MYO1B: variants seen among roughly 807,000 people sequenced by gnomAD.
MYO1B encodes the protein myosin IB.
Under a neutral mutation model 159.7 loss-of-function variants are expected in MYO1B, and 72 were observed. The observed-to-expected ratio is 0.45, with a 90% CI of 0.37 to 0.55. The LOEUF is 0.55. Ranked by LOEUF, MYO1B falls within the 20% of genes least tolerant of loss-of-function variation. The probability of loss-of-function intolerance (pLI) is 0.00; values close to 1 mark genes in which losing one functional copy is unlikely to be tolerated. For missense variants in MYO1B, 1,062 were observed against 1,364.8 expected (o/e 0.78, Z 3.50); for synonymous variants, 468 against 473.8 (o/e 0.99, Z 0.16).
At chr2:191,399,950 G>T (rs1407101350) in intron 21 of MYO1B, among the ~76,000 whole-genome samples, 1 of 152,186 alleles carries the variant, frequency 6.6e-6, no homozygotes, top group Non-Finnish European at 1.5e-5. Context: ...GGATCAATGA[G>T]ATCATTTTGG....
At position 191,416,143 on chromosome 2, in the gene MYO1B, T is replaced by G; in HGVS notation, c.3188T>G (p.Phe1063Cys). Residue 1063 changes from phenylalanine to cysteine, a missense_variant, in exon 30 of 31, where the codon TTT (phenylalanine) becomes TGT (cysteine). Around this residue, in one of 5 missense-constraint regions of MYO1B, gnomAD observed 609 missense variants for 744.4 expected, o/e 0.82. Coordinates refer to ENST00000392318, the MANE Select transcript of MYO1B (RefSeq NM_001130158.3). ...TCAGAAGCAGCTAGTAAAGGAGACT[T>G]TCTCTTCAGCAGTGATCACCTGATT... is the stretch of plus-strand genomic sequence containing the variant. ...EGSEAASKGD[F>C]LFSSDHLIEM... 1.2e-6 allele frequency: 2 copies of G among 1,614,102 alleles called. No individual in the cohort carries two copies. Among genetic ancestry groups the G allele is most frequent in the Non-Finnish European group, 1.7e-6 (2 of 1,179,994 alleles).
chr2:191,360,833 C>T (rs1693623722), intron 8 of MYO1B, 104 bp downstream of exon 8: 1 of 768,828 alleles, frequency 1.3e-6, no homozygotes, highest in East Asian at 2.6e-5. Flanking sequence ...TCTCTAATTC[C>T]TGAGCTCAAG....
At chr2:191,332,160 A>G (rs1430347370) in intron 4 of MYO1B, among the ~76,000 whole-genome samples, 1 of 152,012 alleles carries the variant, frequency 6.6e-6, no homozygotes. Context: ...ATGGGGTTTC[A>G]CCATGTTGGC....
chr2:191,344,453 G>A (rs1375226340), intron 5 of MYO1B, among the ~76,000 whole-genome samples: 1 of 152,140 alleles, frequency 6.6e-6, no homozygotes, highest in African/African-American at 2.4e-5. Context: ...CTCAGCCCAA[G>A]CAGCATCTCT....
At chr2:191,354,659 C>G (rs1337502200) in intron 7 of MYO1B, among the ~76,000 whole-genome samples, 1 of 152,122 alleles carries the variant, frequency 6.6e-6, no homozygotes, top group Non-Finnish European at 1.5e-5. Flanking sequence ...CAGAGTACAA[C>G]AAGTTTGGGT....
At chr2:191,385,605 G>C (rs1419185415) in intron 15 of MYO1B, among the ~76,000 whole-genome samples, 3 of 152,128 alleles carry the variant, frequency 2.0e-5, no homozygotes, top group Non-Finnish European at 4.4e-5. Context: ...TCAGGCTAAG[G>C]TGTCTGAGGC....
At chr2:191,328,165 T>G (rs1384285080) in intron 3 of MYO1B, among the ~76,000 whole-genome samples, 16 of 152,212 alleles carry the variant, frequency 1.1e-4, no homozygotes, top group Admixed American at 1.0e-3. Context: ...AGGTCTGTGT[T>G]GAAGATTAAG....
intron 20 of MYO1B, among the ~76,000 whole-genome samples, chr2:191,395,955 A>C (rs1210718260): frequency 2.0e-5 from 3 of 152,336 alleles, no homozygotes; most frequent in African/African-American, 7.2e-5. Context: ...AGTTTACTTA[A>C]ATTTTTAGCT....
chr2:191,370,146 AAT>A (rs1421032699), intron 12 of MYO1B, 79 bp from the exon 13 acceptor site: 18 of 872,784 alleles, frequency 2.1e-5, no homozygotes, highest in Non-Finnish European at 2.9e-5. Flanking sequence ...ATTAATTTGT[AAT>A]ATATATCTAT....
At chr2:191,402,102 G>C (rs1377651604) in intron 23 of MYO1B, 1 of 152,306 alleles carries the variant, frequency 6.6e-6, no homozygotes, top group Non-Finnish European at 1.5e-5. Context: ...AGTTTTGTTA[G>C]TTTTGGTTTT....
chr2:191,409,139 T>A lies in MYO1B; in HGVS notation c.2727T>A (p.Ser909=). 6.2e-7 allele frequency: 1 copy of A among 1,612,988 alleles called. No homozygotes were observed. The highest frequency in any genetic ancestry group is 1.7e-5 in the Admixed American group (1 of 59,810). Residue 909 remains serine, a synonymous_variant, in exon 26 of 31, where the codon TCT becomes TCA. Coordinates refer to ENST00000392318, the MANE Select transcript of MYO1B (RefSeq NM_001130158.3). ...CAAGACCTTACTTATTCTTGGATTCTACTCACAAGGAGCTAAAAAGGATTT... is the reference window on the plus strand; with the variant it reads ...CAAGACCTTACTTATTCTTGGATTCAACTCACAAGGAGCTAAAAAGGATTT... ...WPSRPYLFLD[S]THKELKRIFH...
Position 191,314,784 on chromosome 2 carries a change from A to G in MYO1B, c.252-15151A>G, listed in dbSNP as rs1269727957. On this transcript the variant is annotated intron_variant, in intron 3 of 30. Transcript: ENST00000392318. Reference sequence around the variant, plus strand: ...TGAAAATTTTAGAAAAGATTACAGAAGAATATTTTTGTTAAGAAAGGAGAA... The same window carrying G: ...TGAAAATTTTAGAAAAGATTACAGAGGAATATTTTTGTTAAGAAAGGAGAA... 2.0e-5 allele frequency among the ~76,000 whole-genome samples: 3 copies of G among 152,222 alleles called. No individual in the cohort carries two copies. The East Asian group carries it at 5.8e-4, about 29-fold the overall frequency.
At chr2:191,392,410 C>A (rs540255831) in intron 19 of MYO1B, among the ~76,000 whole-genome samples, 12 of 152,246 alleles carry the variant, frequency 7.9e-5, no homozygotes, top group African/African-American at 2.2e-4. Context: ...CCATCAAAGT[C>A]TTTGCTCTGA....
intron 15 of MYO1B, among the ~76,000 whole-genome samples, chr2:191,385,073 G>A (rs566542403): frequency 6.6e-6 from 1 of 152,322 alleles, no homozygotes; most frequent in South Asian, 2.1e-4. Context: ...ATGGTCAGTG[G>A]AGTGGATTGT....
At chr2:191,265,187 GTTTT>G (rs34417586) in intron 1 of MYO1B, among the ~76,000 whole-genome samples, 2 of 136,192 alleles carry the variant, frequency 1.5e-5, no homozygotes, top group East Asian at 2.2e-4. Flanking sequence ...GAAGGCCCCT[GTTTT>G]TTTTTTTTTT....
At chr2:191,308,063 TC>T (rs1185566166) in intron 3 of MYO1B, among the ~76,000 whole-genome samples, 5 of 151,452 alleles carry the variant, frequency 3.3e-5, no homozygotes, top group Non-Finnish European at 7.4e-5. Context: ...GTTGAAAGAT[TC>T]CCCCCCACTC....
At chr2:191,330,808 T>C (rs1184057785) in intron 4 of MYO1B, among the ~76,000 whole-genome samples, 1 of 152,214 alleles carries the variant, frequency 6.6e-6, no homozygotes, top group Non-Finnish European at 1.5e-5. Context: ...TGCTTTTGTT[T>C]TATAGATAAG....
chr2:191,408,877 C>T (rs983124729), intron 25 of MYO1B, among the ~76,000 whole-genome samples, 167 bp from the exon 26 acceptor site: 3 of 152,114 alleles, frequency 2.0e-5, no homozygotes, highest in Non-Finnish European at 4.4e-5. Context: ...TTTCCCCAAC[C>T]AGTATGAAAG....
intron 1 of MYO1B, among the ~76,000 whole-genome samples, chr2:191,255,832 A>G (rs1025030645): frequency 6.6e-6 from 1 of 152,086 alleles, no homozygotes; most frequent in Non-Finnish European, 1.5e-5. Flanking sequence ...GGGTCCTGGC[A>G]TCTGCTGGAC....
Sources: allele counts gnomAD v4.1 joint callset (sites outside exome capture counted in the v4.1 genomes callset), GRCh38; gene constraint gnomAD v4.1.1; regional missense constraint gnomAD v4.1.1; transcripts MANE v1.5; gene names NCBI Gene and HGNC (gene_info 2026-07-23, HGNC 2026-07-21).